NTNG1: variants seen among roughly 807,000 people sequenced by gnomAD.
NTNG1 encodes the protein netrin G1, also known as netrin-G1.
In NTNG1, 16 loss-of-function variants were observed where a neutral mutation model predicts 54.0. That is an observed-to-expected ratio of 0.30 (90% CI 0.20 to 0.45). NTNG1 has a LOEUF of 0.45. NTNG1 is among the 20% of genes least tolerant of loss of function. The pLI is 1.00. For synonymous variants in NTNG1, 255 were observed against 263.1 expected (o/e 0.97, Z 0.30); for missense variants, 530 against 678.7 (o/e 0.78, Z 2.43).
chr1:107,316,012 A>C (rs1343060114), intron 2 of NTNG1, among the ~76,000 whole-genome samples: 1 of 152,174 alleles, frequency 6.6e-6, no homozygotes, highest in Middle Eastern at 3.2e-3. Flanking sequence ...AAGCCATGAA[A>C]ATTAAGATGT....
At chr1:107,224,412 C>T (rs1163501599) in intron 2 of NTNG1, among the ~76,000 whole-genome samples, 2 of 152,118 alleles carry the variant, frequency 1.3e-5, no homozygotes, top group Admixed American at 6.6e-5. Context: ...TCTGGACACT[C>T]GAGGGCATTG....
chr1:107,337,688 C>T (rs1668666275), intron 3 of NTNG1, among the ~76,000 whole-genome samples: 1 of 151,966 alleles, frequency 6.6e-6, no homozygotes. Flanking sequence ...AAGTAAAACA[C>T]AGAAATTCTG....
chr1:107,206,212 G>GGCC (rs1659178462), intron 2 of NTNG1, among the ~76,000 whole-genome samples: 3 of 151,998 alleles, frequency 2.0e-5, no homozygotes, highest in African/African-American at 7.2e-5. Flanking sequence ...GGCTGTCCCT[G>GGCC]TCCTCCTTCA....
rs894112832 is a variant in NTNG1, at chr1:107,334,993, C to A, written c.887+10071C>A. ...TGTCACTTCATCCAATCAACCAGAT[C>A]GCAAAGCTTCAGGCTTTAACCAATA... On this transcript the variant is annotated intron_variant, in intron 3 of 7. Coordinates refer to ENST00000370068, the MANE Select transcript of NTNG1 (RefSeq NM_001113226.3). Among the ~76,000 whole-genome samples the A allele has an allele frequency of 2.0e-5, 3 of 152,060 alleles. No individual in the cohort carries two copies. The East Asian group carries it at 5.8e-4, about 29-fold the overall frequency.
intron 5 of NTNG1, among the ~76,000 whole-genome samples, chr1:107,410,808 G>C (rs1673749008): frequency 6.6e-6 from 1 of 151,900 alleles, no homozygotes. Context: ...TATGATCTTT[G>C]GTCCTGAAAA....
At chr1:107,361,774 C>G (rs1391734094) in intron 3 of NTNG1, among the ~76,000 whole-genome samples, 2 of 152,080 alleles carry the variant, frequency 1.3e-5, no homozygotes, top group East Asian at 3.9e-4. Context: ...GAAATGACTT[C>G]TTTATGGAAG....
intron 4 of NTNG1, among the ~76,000 whole-genome samples, chr1:107,400,413 G>A (rs752065517): frequency 1.9e-4 from 29 of 151,926 alleles, no homozygotes; most frequent in Non-Finnish European, 3.2e-4. Flanking sequence ...AGTACTTTAT[G>A]CTCTTTATTG....
chr1:107,351,256 CA>C (rs1669580975), intron 3 of NTNG1, among the ~76,000 whole-genome samples: 1 of 152,150 alleles, frequency 6.6e-6, no homozygotes, highest in Admixed American at 6.5e-5. Context: ...ACCTGGAGAT[CA>C]ATTTTATATA....
chr1:107,147,959 T>G (rs977018608), intron 1 of NTNG1, 110 bp from the exon 2 acceptor site: 4 of 152,368 alleles, frequency 2.6e-5, no homozygotes, highest in Non-Finnish European at 5.9e-5. Flanking sequence ...TTATCTGTAT[T>G]ACACCAATTT....
chr1:107,271,370 C>T (rs1664133579), intron 2 of NTNG1, among the ~76,000 whole-genome samples: 1 of 152,144 alleles, frequency 6.6e-6, no homozygotes, highest in South Asian at 2.1e-4. Flanking sequence ...CTAACCTAAG[C>T]AAATTTAACC....
At chr1:107,276,950 T>G (rs140569634) in intron 2 of NTNG1, among the ~76,000 whole-genome samples, 99 of 152,128 alleles carry the variant, frequency 6.5e-4, no homozygotes, top group African/African-American at 2.3e-3. Flanking sequence ...GAAAGAGATT[T>G]ATTGGGGAGA....
intron 2 of NTNG1, among the ~76,000 whole-genome samples, chr1:107,176,054 A>G (rs548459744): frequency 6.6e-6 from 1 of 152,284 alleles, no homozygotes; most frequent in East Asian, 1.9e-4. Flanking sequence ...ATTGGGTAAG[A>G]CAAGGTTCCT....
Position 107,432,557 on chromosome 1 carries a change from T to C in NTNG1, c.1255+1640T>C, listed in dbSNP as rs186602653. Among the ~76,000 whole-genome samples the C allele has an allele frequency of 2.8e-3, 422 of 152,264 alleles. 1 individual carries two copies. The highest frequency in any genetic ancestry group is 6.8e-3 in the Middle Eastern group (2 of 294). On this transcript the variant is annotated intron_variant, in intron 6 of 7. Coordinates refer to ENST00000370068, the MANE Select transcript of NTNG1 (RefSeq NM_001113226.3). ...GGTTACAAAGATTTGAGGATATTAA[T>C]GAAAACCAAAAGACATGTAGTTGTC...
chr1:107,478,820 T>C (rs1678504600), intron 7 of NTNG1, among the ~76,000 whole-genome samples: 1 of 152,258 alleles, frequency 6.6e-6, no homozygotes, highest in African/African-American at 2.4e-5. Flanking sequence ...CTACATATGC[T>C]TTCCAAATTA....
rs556359749 is a variant in NTNG1 at position 107,189,676 on chromosome 1, G to T, written c.246+40837G>T. Among the ~76,000 whole-genome samples the T allele has an allele frequency of 3.9e-5, 6 of 152,078 alleles. No individual in the cohort carries two copies. In the South Asian group the frequency reaches 1.2e-3, roughly 32 times the overall value. ...TAGCTGAATGTATAAACCATCAGTTGCCCATCATCCTATCTGGTGTATAAA... is the reference window on the plus strand; with the variant it reads ...TAGCTGAATGTATAAACCATCAGTTTCCCATCATCCTATCTGGTGTATAAA... On this transcript the variant is annotated intron_variant, in intron 2 of 7. Transcript: ENST00000370068.
At chr1:107,309,424 T>C (rs1291746295) in intron 2 of NTNG1, among the ~76,000 whole-genome samples, 1 of 152,184 alleles carries the variant, frequency 6.6e-6, no homozygotes, top group East Asian at 1.9e-4. Context: ...TACAATTGAT[T>C]CTTTAATTTT....
At chr1:107,268,397 A>G (rs1248989065) in intron 2 of NTNG1, among the ~76,000 whole-genome samples, 5 of 151,996 alleles carry the variant, frequency 3.3e-5, no homozygotes, top group African/African-American at 7.3e-5. Flanking sequence ...GGATTGATTG[A>G]CACATTGGAC....
intron 2 of NTNG1, among the ~76,000 whole-genome samples, chr1:107,248,393 TG>T (rs1474454726): frequency 5.3e-5 from 8 of 152,312 alleles, no homozygotes; most frequent in Non-Finnish European, 8.8e-5. Flanking sequence ...GAGTAGCAGG[TG>T]GTGAAGCCAG....
chr1:107,169,294 G>A (rs1656043767), intron 2 of NTNG1, among the ~76,000 whole-genome samples: 1 of 152,140 alleles, frequency 6.6e-6, no homozygotes, highest in African/African-American at 2.4e-5. Flanking sequence ...CAGTAGCAAT[G>A]CTTCCATTTG....
Sources: gnomAD v4.1 joint callset for allele counts (sites outside exome capture counted in the v4.1 genomes callset) on GRCh38, gnomAD v4.1.1 for gene constraint, MANE v1.5 for transcripts, NCBI Gene and HGNC (gene_info 2026-07-23, HGNC 2026-07-21) for gene names.